The following ENPP2 variants were observed in gnomAD, a reference collection of about 807,000 sequenced individuals.
The protein encoded by ENPP2 is autotaxin.
ENPP2 carries 51 observed loss-of-function variants against 120.2 expected under a neutral mutation model. The observed-to-expected ratio is 0.42, with a 90% CI of 0.34 to 0.54. The LOEUF (loss-of-function observed/expected upper bound fraction) is 0.54, where lower values mean the gene tolerates loss of function less well. Ranked by LOEUF, ENPP2 falls within the 20% of genes least tolerant of loss-of-function variation. The probability of loss-of-function intolerance (pLI) is 0.04; values close to 1 mark genes in which losing one functional copy is unlikely to be tolerated. For missense variants in ENPP2, 920 were observed against 1,066.5 expected (o/e 0.86, Z 1.91); for synonymous variants, 365 against 366.4 (o/e 1.00, Z 0.04).
intron 23 of ENPP2, 48 bp downstream of exon 23, chr8:119,564,775 G>A (rs1378387299): frequency 1.9e-6 from 3 of 1,572,542 alleles, no homozygotes; most frequent in Non-Finnish European, 2.6e-6. Flanking sequence ...TCTTGAGTGA[G>A]ATCTTGGGAC....
At chr8:119,615,771 T>C (rs1815413799) in intron 8 of ENPP2, among the ~76,000 whole-genome samples, 1 of 152,182 alleles carries the variant, frequency 6.6e-6, no homozygotes, top group Non-Finnish European at 1.5e-5. Context: ...GTCACAGTCA[T>C]ACACTTCTCT....
intron 19 of ENPP2, among the ~76,000 whole-genome samples, chr8:119,574,346 A>C (rs946782529): frequency 6.6e-6 from 1 of 151,446 alleles, no homozygotes; most frequent in Non-Finnish European, 1.5e-5. Context: ...ACTAGCCTGC[A>C]AGCCTCTGCT....
chr8:119,615,474 C>A (rs1815394903), intron 8 of ENPP2, among the ~76,000 whole-genome samples: 1 of 152,188 alleles, frequency 6.6e-6, no homozygotes, highest in Non-Finnish European at 1.5e-5. Flanking sequence ...CGTAACCATA[C>A]ACACGGTCAC....
At chr8:119,629,829 G>T (rs1587529765) in intron 2 of ENPP2, among the ~76,000 whole-genome samples, 1 of 151,998 alleles carries the variant, frequency 6.6e-6, no homozygotes, top group East Asian at 1.9e-4. Flanking sequence ...AATAGAGAAA[G>T]TCCTACAGTA....
chr8:119,658,619 G>C (rs981509125), intron 1 of ENPP2, among the ~76,000 whole-genome samples: 2 of 152,094 alleles, frequency 1.3e-5, no homozygotes, highest in African/African-American at 4.8e-5. Context: ...TCAGTTCTCA[G>C]ACCAGACAGA....
chr8:119,671,296 A>G (rs973436867), intron 1 of ENPP2, among the ~76,000 whole-genome samples: 2 of 152,184 alleles, frequency 1.3e-5, no homozygotes, highest in African/African-American at 4.8e-5. Context: ...GCAAGACTAC[A>G]TCTCAAAAAA....
At chr8:119,599,813 C>T (rs1814157532) in intron 11 of ENPP2, among the ~76,000 whole-genome samples, 1 of 152,126 alleles carries the variant, frequency 6.6e-6, no homozygotes, top group Non-Finnish European at 1.5e-5. Context: ...AGAGACCAGC[C>T]TGGCACAACA....
At chr8:119,610,917 A>AG (rs1815063358) in intron 8 of ENPP2, among the ~76,000 whole-genome samples, 1 of 151,840 alleles carries the variant, frequency 6.6e-6, no homozygotes, top group South Asian at 2.1e-4. Flanking sequence ...AAAAAAAAAA[A>AG]AAATACAACT....
chr8:119,562,909 G>A lies in ENPP2; in HGVS notation c.2369C>T (p.Ser790Phe), dbSNP rs1367139354. 6.2e-7 allele frequency: 1 copy of A among 1,614,066 alleles called. No individual in the cohort carries two copies. The highest frequency in any genetic ancestry group is 8.5e-7 in the Non-Finnish European group (1 of 1,180,020). Residue 790 changes from serine to phenylalanine, a missense_variant, in exon 24 of 25, where the codon TCT becomes TTT. By Grantham distance (155) the Ser-to-Phe change is radical (BLOSUM62 -2). Coordinates refer to ENST00000075322, the MANE Select transcript of ENPP2 (RefSeq NM_001040092.3). ...QPADKCDGPL[S>F]VSSFILPHRP... is the part of the protein sequence containing the mutation. ...GTGAGGCAGGATGAAGGAGGACACA[G>A]AGAGAGGGCCGTCACACTTGTCGGC... is the stretch of plus-strand genomic sequence containing the variant.
chr8:119,587,161 T>C, intron 13 of ENPP2, 86 bp from the exon 14 acceptor site: 1 of 1,050,658 alleles, frequency 9.5e-7, no homozygotes, highest in Admixed American at 2.0e-5. Flanking sequence ...CTCAATTCTT[T>C]CTCCTTCCAT....
intron 2 of ENPP2, 76 bp from the exon 3 acceptor site, chr8:119,626,796 G>T: frequency 2.2e-6 from 3 of 1,378,566 alleles, no homozygotes; most frequent in Non-Finnish European, 3.1e-6. Flanking sequence ...CTGGGAAGCT[G>T]TGCGGTGTGA....
chr8:119,638,034 C>G (rs1373035651), intron 2 of ENPP2, among the ~76,000 whole-genome samples: 3 of 152,152 alleles, frequency 2.0e-5, no homozygotes, highest in African/African-American at 7.2e-5. Flanking sequence ...CTTTTTCCTA[C>G]ATCAGAACTT....
intron 11 of ENPP2, among the ~76,000 whole-genome samples, chr8:119,599,077 A>G (rs1814103425): frequency 1.3e-5 from 2 of 152,224 alleles, no homozygotes; most frequent in Non-Finnish European, 2.9e-5. Context: ...TCTCAAAGAA[A>G]GTCAATCTAA....
chr8:119,650,788 T>C (rs113221795), intron 1 of ENPP2, among the ~76,000 whole-genome samples: 229 of 152,322 alleles, frequency 1.5e-3, no homozygotes, highest in African/African-American at 5.2e-3. Context: ...CCCTCTGCCA[T>C]ATCTCTTTCA....
intron 11 of ENPP2, among the ~76,000 whole-genome samples, chr8:119,597,268 G>A (rs1057193870): frequency 4.6e-5 from 7 of 152,112 alleles, no homozygotes; most frequent in Non-Finnish European, 8.8e-5. Context: ...AAGGAAAAGA[G>A]GATTTTCCGT....
chr8:119,607,913 G>A lies in ENPP2; in HGVS notation c.833+9C>T. 1 of 1,562,260 alleles carries A rather than the reference G, an allele frequency of 6.4e-7. No homozygotes were observed. The stretch of plus-strand genomic sequence containing the variant: ...TTTTATAAACATTGACAAAATAAAG[G>A]TAACTTACACAGACCAAAAGAATGT... On this transcript the variant is annotated intron_variant, in intron 9 of 24. Coordinates refer to ENST00000075322, the MANE Select transcript of ENPP2 (RefSeq NM_001040092.3).
Position 119,560,924 on chromosome 8 carries a change from A to G in ENPP2, c.2421+1933T>C, listed in dbSNP as rs921883931. ...TATATTTGCCTCATACTGTGGTTAT[A>G]TGATTAGAAATAATATATGTAGAGG... On this transcript the variant is annotated intron_variant, in intron 24 of 24. Coordinates refer to ENST00000075322, the MANE Select transcript of ENPP2 (RefSeq NM_001040092.3). 3.9e-5 allele frequency among the ~76,000 whole-genome samples: 6 copies of G among 152,280 alleles called. No individual in the cohort carries two copies. The East Asian group carries it at 1.2e-3, about 29-fold the overall frequency.
chr8:119,561,740 C>T (rs892293352), intron 24 of ENPP2, among the ~76,000 whole-genome samples: 1 of 152,028 alleles, frequency 6.6e-6, no homozygotes, highest in African/African-American at 2.4e-5. Context: ...TAACTAGTAG[C>T]AAACCTGATT....
intron 19 of ENPP2, 27 bp from the exon 20 acceptor site, chr8:119,570,868 T>C: frequency 6.9e-7 from 1 of 1,454,706 alleles, no homozygotes; most frequent in Non-Finnish European, 9.1e-7. Flanking sequence ...ATAAACTGTG[T>C]TAGGTGCATA....
Sources: allele counts gnomAD v4.1 joint callset (sites outside exome capture counted in the v4.1 genomes callset), GRCh38; gene constraint gnomAD v4.1.1; transcripts MANE v1.5; gene names NCBI Gene and HGNC (gene_info 2026-07-23, HGNC 2026-07-21).